The following RMND5B variants were observed in gnomAD, a reference collection of about 807,000 sequenced individuals.
RMND5B encodes required for meiotic nuclear division 5 homolog B.
In RMND5B, 42 loss-of-function variants were observed where a neutral mutation model predicts 50.4. The observed-to-expected ratio is 0.83, with a 90% CI of 0.65 to 1.08. The LOEUF is 1.08. Among genes scored for constraint, RMND5B ranks in the 50% least tolerant of loss-of-function variants. The pLI, the probability that RMND5B is intolerant of heterozygous loss-of-function variation, is 0.00. For missense variants in RMND5B, 463 were observed against 508.5 expected, an observed-to-expected ratio of 0.91 and a Z score of 0.86; for synonymous variants, 220 against 210.0, an observed-to-expected ratio of 1.05 and a Z score of -0.41.
chr5:178,142,385 G>C, intron 3 of RMND5B, 198 bp from the exon 4 acceptor site: 1 of 622,326 alleles, frequency 1.6e-6, no homozygotes, highest in East Asian at 2.7e-5. Flanking sequence ...GAGGTGAACT[G>C]GCTTTTCCCA....
chr5:178,146,221 T>C lies in RMND5B; in HGVS notation c.802T>C (p.Phe268Leu), dbSNP rs537622846. 8 of 1,614,158 alleles carry C rather than the reference T, an allele frequency of 5.0e-6. No individual in the cohort carries two copies. In the East Asian group the frequency reaches 1.1e-4, roughly 22 times the overall value. The stretch of plus-strand genomic sequence containing the variant: ...CCACTGGGCAGAGATCTGTGAGACC[T>C]TTACCCGGGACGCCTGTTCCCTGCT... The part of the protein sequence containing the change: ...SSHWAEICET[F>L]TRDACSLLGL... The change falls in exon 8 of 11, where the codon TTT (phenylalanine) becomes CTT (leucine). Residue 268 changes from phenylalanine to leucine, a missense_variant. By Grantham distance (22) the Phe-to-Leu change is conservative (BLOSUM62 0). Transcript: ENST00000313386.
intron 8 of RMND5B, 33 bp downstream of exon 8, chr5:178,146,312 G>A: frequency 6.2e-7 from 1 of 1,600,950 alleles, no homozygotes; most frequent in Non-Finnish European, 8.5e-7. Context: ...CAGCACAGGT[G>A]GGAGGGTAGA....
At chr5:178,146,522 T>C (rs778987035) in intron 8 of RMND5B, 4 of 477,718 alleles carry the variant, frequency 8.4e-6, no homozygotes, top group Non-Finnish European at 1.5e-5. Context: ...TTGTAAGGTC[T>C]CCTGAATGAG....
chr5:178,137,623 A>G lies in RMND5B; in HGVS notation c.-12-485A>G, dbSNP rs1281186604. Among the ~76,000 whole-genome samples, 1 of 152,204 alleles carries G rather than the reference A, an allele frequency of 6.6e-6. No individual in the cohort carries two copies. Among genetic ancestry groups the G allele is most frequent in the African/African-American group, 2.4e-5 (1 of 41,444 alleles). On this transcript the variant is annotated intron_variant, in intron 2 of 10. Coordinates refer to ENST00000313386, the MANE Select transcript of RMND5B (RefSeq NM_022762.5). This position sits in a 1 kb window ranked among gnomAD's most constrained non-coding sequence, Gnocchi z 4.4. The stretch of plus-strand genomic sequence containing the variant: ...AGAATCCCTTGGGCCTGGGGGGATC[A>G]AGGTTGCCATGAGCTGAGTTTGTGC...
At chr5:178,139,172 C>T (rs1758781194) in intron 3 of RMND5B, among the ~76,000 whole-genome samples, 1 of 151,428 alleles carries the variant, frequency 6.6e-6, no homozygotes, top group Non-Finnish European at 1.5e-5. Context: ...AGAAATGAAA[C>T]ATTGATATAA....
chr5:178,134,819 G>GA (rs35167628), intron 2 of RMND5B, among the ~76,000 whole-genome samples: 62 of 141,908 alleles, frequency 4.4e-4, no homozygotes, highest in Non-Finnish European at 5.2e-4. Context: ...ATACAAAAAT[G>GA]AAAAAAAAAA....
rs1345881600 is a variant in RMND5B, at chr5:178,149,623, G to A, written c.*1591G>A. The A allele has an allele frequency of 6.4e-6, 10 of 1,561,972 alleles. No individual in the cohort carries two copies. Among genetic ancestry groups the A allele is most frequent in the South Asian group, 2.3e-5 (2 of 88,414 alleles). On this transcript the variant is annotated 3_prime_UTR_variant, in exon 11 of 11. Transcript: ENST00000313386. ...TGCCTTGGGGAACTGGGAAGATGCC[G>A]TCAGTGTGGGTGGGCAGGAGGACAG... is the stretch of plus-strand genomic sequence containing the variant.
In RMND5B at chr5:178,134,449, G is replaced by A. The variant is rs75966832; in HGVS notation, c.-13+3073G>A. ...AGGGTCATCCTGGTGGATAATTTCT[G>A]TATATGTGAGACCTTGGGGAGGAAG... is the stretch of plus-strand genomic sequence containing the variant. On this transcript the variant is annotated intron_variant, in intron 2 of 10. Coordinates refer to ENST00000313386, the MANE Select transcript of RMND5B (RefSeq NM_022762.5). Among the ~76,000 whole-genome samples the A allele has an allele frequency of 7.8e-3, 1,186 of 152,252 alleles. 8 individuals are homozygous for A. Among genetic ancestry groups the A allele is most frequent in the Non-Finnish European group, 0.011 (756 of 68,014 alleles).
intron 5 of RMND5B, 78 bp downstream of exon 5, chr5:178,143,070 A>G (rs527417684): frequency 2.7e-6 from 4 of 1,477,074 alleles, no homozygotes; most frequent in Non-Finnish European, 3.6e-6. Context: ...TGAAGTCCCT[A>G]CCATTCTCAA....
chr5:178,132,001 G>T (rs1758336448), intron 2 of RMND5B, among the ~76,000 whole-genome samples: 1 of 152,140 alleles, frequency 6.6e-6, no homozygotes. Flanking sequence ...GAGAGTGGAT[G>T]GAGGTCGCGG....
At chr5:178,131,478 G>A (rs1205316697) in intron 2 of RMND5B, 102 bp downstream of exon 2, 1 of 152,134 alleles carries the variant, frequency 6.6e-6, no homozygotes, top group Non-Finnish European at 1.5e-5. Context: ...CTCCCAGTAG[G>A]CGCTGCTGTC....
chr5:178,134,819 GAAA>G (rs35167628), intron 2 of RMND5B, among the ~76,000 whole-genome samples: 4 of 141,836 alleles, frequency 2.8e-5, no homozygotes, highest in African/African-American at 1.1e-4. Flanking sequence ...ATACAAAAAT[GAAA>G]AAAAAAAAAA....
chr5:178,138,514 T>G lies in RMND5B; in HGVS notation c.139+256T>G. 1.2e-6 allele frequency: 1 copy of G among 846,972 alleles called. No homozygotes were observed. The highest frequency in any genetic ancestry group is 2.1e-5 in the South Asian group (1 of 47,960). 52.5% of individuals were successfully genotyped at this position (846,972 alleles called of 1,614,324 possible). On this transcript the variant is annotated intron_variant, in intron 3 of 10. Transcript: ENST00000313386. This position sits in a 1 kb window ranked among gnomAD's most constrained non-coding sequence, Gnocchi z 5.1. ...TTCTATTTTTAACTTTTTTTCATTT[T>G]ATAATTGTGTGTGTGTGTGTGTGTG... is the stretch of plus-strand genomic sequence containing the variant.
rs1756195457 is a variant in RMND5B, at chr5:178,149,238, G to GC, written c.*1211dup. ...TCTGGGCCCCCTGCCTTACCTCACA[G>GC]CCCCCATCTACCCTGGAAGAGGGAG... On this transcript the variant is annotated 3_prime_UTR_variant, in exon 11 of 11. Coordinates refer to ENST00000313386, the MANE Select transcript of RMND5B (RefSeq NM_022762.5). 1 of 157,920 alleles carries GC rather than the reference G, an allele frequency of 6.3e-6. No homozygotes were observed. Among genetic ancestry groups the GC allele is most frequent in the African/African-American group, 2.4e-5 (1 of 41,518 alleles). The allele number at this position is 157,920 out of a possible 1,614,324, so 9.8% of individuals were successfully genotyped here.
At chr5:178,143,029 C>T in intron 5 of RMND5B, 37 bp downstream of exon 5, 1 of 1,586,690 alleles carries the variant, frequency 6.3e-7, no homozygotes, top group Non-Finnish European at 8.6e-7. Context: ...AACCTGCCTG[C>T]TCTGCCTTTC....
At position 178,137,925 on chromosome 5, in the gene RMND5B, G is replaced by A. The variant is rs1758702284; in HGVS notation, c.-12-183G>A. On this transcript the variant is annotated intron_variant, in intron 2 of 10. Transcript: ENST00000313386. The surrounding 1 kb of genome is among the most constrained non-coding windows in gnomAD (Gnocchi z 4.4). ...ATCCTCCACTGGGCACCCCAGTGGA[G>A]TGAGGAGATGGGATGTTATATGCTT... Among the ~76,000 whole-genome samples the A allele has an allele frequency of 6.6e-6, 1 of 152,164 alleles. No homozygotes were observed. The highest frequency in any genetic ancestry group is 2.4e-5 in the African/African-American group (1 of 41,420).
Position 178,138,896 on chromosome 5 carries a change from C to T in RMND5B, c.139+638C>T, listed in dbSNP as rs138733730. ...AGGGCATTCTCTTACATAAAAACAG[C>T]GTAGTTATTAAAACCCAGAAATTGC... On this transcript the variant is annotated intron_variant, in intron 3 of 10. Coordinates refer to ENST00000313386, the MANE Select transcript of RMND5B (RefSeq NM_022762.5). This position sits in a 1 kb window ranked among gnomAD's most constrained non-coding sequence, Gnocchi z 5.1. 7.2e-4 allele frequency among the ~76,000 whole-genome samples: 109 copies of T among 152,192 alleles called. No homozygotes were observed. Among genetic ancestry groups the T allele is most frequent in the Non-Finnish European group, 1.2e-3 (80 of 68,020 alleles).
chr5:178,132,300 G>C (rs551947392), intron 2 of RMND5B, among the ~76,000 whole-genome samples: 1 of 152,094 alleles, frequency 6.6e-6, no homozygotes, highest in Non-Finnish European at 1.5e-5. Flanking sequence ...ATTTAGCCGG[G>C]TGTGGTGGCA....
Position 178,146,135 on chromosome 5 carries a change from G to A in RMND5B, c.716G>A (p.Ser239Asn). The A allele has an allele frequency of 6.2e-7, 1 of 1,614,110 alleles. No individual in the cohort carries two copies. Among genetic ancestry groups the A allele is most frequent in the Non-Finnish European group, 8.5e-7 (1 of 1,180,010 alleles). ...GTAGAGATCCAGGTGATGATGGGCA[G>A]CCTGGTGTACCTGCGGCTGGGCTTG... ...HQREIQVMMG[S>N]LVYLRLGLEK... The change falls in exon 8 of 11, where the codon AGC (serine) becomes AAC (asparagine). Residue 239 changes from serine (S) to asparagine (N), a missense_variant. Coordinates refer to ENST00000313386, the MANE Select transcript of RMND5B (RefSeq NM_022762.5).
Sources: allele counts gnomAD v4.1 joint callset (sites outside exome capture counted in the v4.1 genomes callset), GRCh38; gene constraint gnomAD v4.1.1; non-coding constraint Gnocchi (gnomAD v3.1); transcripts MANE v1.5; gene names NCBI Gene and HGNC (gene_info 2026-07-23, HGNC 2026-07-21).